RGS7BP: variants seen among roughly 807,000 people sequenced by gnomAD.
RGS7BP encodes the protein regulator of G protein signaling 7 binding protein.
A neutral mutation model predicts 31.3 loss-of-function variants in RGS7BP; 9 were observed. That is an observed-to-expected ratio of 0.29 (90% confidence interval 0.17 to 0.50). The LOEUF is 0.50. RGS7BP is among the 20% of genes least tolerant of loss of function. The probability of loss-of-function intolerance (pLI) is 0.98; values close to 1 mark genes in which losing one functional copy is unlikely to be tolerated. For synonymous variants in RGS7BP, 115 were observed against 120.1 expected, an observed-to-expected ratio of 0.96 and a Z score of 0.28; for missense variants, 274 against 322.0, an observed-to-expected ratio of 0.85 and a Z score of 1.14.
chr5:64,532,946 C>T (rs1311032803), intron 2 of RGS7BP, among the ~76,000 whole-genome samples: 1 of 152,190 alleles, frequency 6.6e-6, no homozygotes, highest in African/African-American at 2.4e-5. Flanking sequence ...ACCTCACAGC[C>T]TCATCAATAT....
chr5:64,589,812 C>T (rs1209486204), intron 3 of RGS7BP, among the ~76,000 whole-genome samples: 1 of 151,538 alleles, frequency 6.6e-6, no homozygotes, highest in African/African-American at 2.4e-5. Context: ...CCTATAGTCC[C>T]AGCTATTGGG....
rs1743445345 is a variant in RGS7BP, at chr5:64,609,319, C to G, written c.*67C>G. ...ATCACAAAACCCGAGGACCTCCAGA[C>G]AGCTGAACCACACAGTTATTGGTTT... On this transcript the variant is annotated 3_prime_UTR_variant, in exon 6 of 6. Transcript: ENST00000334025. The G allele has an allele frequency of 5.8e-6, 5 of 864,718 alleles. No homozygotes were observed. The East Asian group carries it at 7.3e-5, about 13-fold the overall frequency. 53.6% of individuals were successfully genotyped at this position (864,718 alleles called of 1,614,324 possible). A position where few individuals can be genotyped will look rare whatever the true frequency, so the allele number is the denominator to read the frequency against.
chr5:64,588,900 A>T (rs2111940310), intron 3 of RGS7BP, among the ~76,000 whole-genome samples: 1 of 152,308 alleles, frequency 6.6e-6, no homozygotes, highest in East Asian at 1.9e-4. Context: ...ATTGATAATC[A>T]AGAAAAATAG....
At chr5:64,567,392 G>A (rs1742196940) in intron 2 of RGS7BP, among the ~76,000 whole-genome samples, 1 of 152,134 alleles carries the variant, frequency 6.6e-6, no homozygotes, top group Non-Finnish European at 1.5e-5. Flanking sequence ...TGCTGTTACA[G>A]TTAAATGAGA....
intron 5 of RGS7BP, among the ~76,000 whole-genome samples, chr5:64,606,055 G>A (rs1580476038): frequency 6.7e-6 from 1 of 149,054 alleles, no homozygotes; most frequent in Admixed American, 6.7e-5. Context: ...GAGAGAGAGA[G>A]AGAGAAGGCT....
At chr5:64,603,538 G>T (rs1743275445) in intron 5 of RGS7BP, among the ~76,000 whole-genome samples, 1 of 152,140 alleles carries the variant, frequency 6.6e-6, no homozygotes, top group African/African-American at 2.4e-5. Context: ...TGAGAGGAAA[G>T]ATCAGTTTAC....
At chr5:64,545,879 T>C (rs1464898366) in intron 2 of RGS7BP, among the ~76,000 whole-genome samples, 2 of 152,168 alleles carry the variant, frequency 1.3e-5, no homozygotes, top group Non-Finnish European at 2.9e-5. Context: ...GCTAGATAAA[T>C]GGATCTGGAC....
intron 2 of RGS7BP, among the ~76,000 whole-genome samples, chr5:64,533,110 G>A (rs1161643878): frequency 3.9e-5 from 6 of 152,124 alleles, no homozygotes; most frequent in Non-Finnish European, 7.3e-5. Flanking sequence ...TATGGCCCAG[G>A]TGATGACCAT....
chr5:64,525,263 T>A (rs1446768673), intron 2 of RGS7BP, among the ~76,000 whole-genome samples: 1 of 152,140 alleles, frequency 6.6e-6, no homozygotes, highest in African/African-American at 2.4e-5. Context: ...GAGGTGTTCT[T>A]AATGTAGGAG....
chr5:64,596,357 A>C lies in RGS7BP; in HGVS notation c.611+1500A>C, dbSNP rs368058214. On this transcript the variant is annotated intron_variant, in intron 4 of 5. Coordinates refer to ENST00000334025, the MANE Select transcript of RGS7BP (RefSeq NM_001029875.3). ...GGGTCTCAAACTGGACTGCACAGTTAAGTCATCAGGAGGGAATTCTTAAAA... is the reference window on the plus strand; with the variant it reads ...GGGTCTCAAACTGGACTGCACAGTTCAGTCATCAGGAGGGAATTCTTAAAA... Among the ~76,000 whole-genome samples the C allele has an allele frequency of 7.9e-5, 12 of 152,246 alleles. No homozygotes were observed. The South Asian group carries it at 2.3e-3, about 29-fold the overall frequency.
intron 2 of RGS7BP, among the ~76,000 whole-genome samples, chr5:64,550,439 C>G (rs1741764222): frequency 2.0e-5 from 3 of 152,120 alleles, no homozygotes; most frequent in Admixed American, 1.3e-4. Flanking sequence ...CCCTTATGAC[C>G]TCATCTAACC....
At chr5:64,570,298 T>C (rs1429838141) in intron 2 of RGS7BP, among the ~76,000 whole-genome samples, 1 of 152,146 alleles carries the variant, frequency 6.6e-6, no homozygotes, top group Admixed American at 6.6e-5. Flanking sequence ...ATGATTTCAT[T>C]TGATCCTTGC....
At chr5:64,603,343 GAAC>G (rs1263047342) in intron 5 of RGS7BP, among the ~76,000 whole-genome samples, 3 of 152,166 alleles carry the variant, frequency 2.0e-5, no homozygotes, top group Non-Finnish European at 4.4e-5. Flanking sequence ...TAAAGGCAGA[GAAC>G]AACAACTTTT....
chr5:64,549,998 TG>T (rs1440119014), intron 2 of RGS7BP, among the ~76,000 whole-genome samples: 1 of 152,224 alleles, frequency 6.6e-6, no homozygotes, highest in Non-Finnish European at 1.5e-5. Flanking sequence ...CCAAGTTTTT[TG>T]TTACTTTATA....
At chr5:64,597,526 T>C (rs1415481341) in intron 4 of RGS7BP, among the ~76,000 whole-genome samples, 3 of 151,828 alleles carry the variant, frequency 2.0e-5, no homozygotes, top group African/African-American at 7.3e-5. Flanking sequence ...GTCAATGTAA[T>C]AAGTGTTGGT....
At position 64,594,773 on chromosome 5, in the gene RGS7BP, C is replaced by T. The variant is rs1270718895; in HGVS notation, c.527C>T (p.Pro176Leu). The T allele has an allele frequency of 1.2e-6, 2 of 1,613,620 alleles. No homozygotes were observed. Among genetic ancestry groups the T allele is most frequent in the African/African-American group, 1.3e-5 (1 of 74,876 alleles). Residue 176 changes from proline (P) to leucine (L), a missense_variant, in exon 4 of 6, where the codon CCT (proline) becomes CTT (leucine). Coordinates refer to ENST00000334025, the MANE Select transcript of RGS7BP (RefSeq NM_001029875.3). ...AAAATTGAGGAGAGTGCTGAAACAC[C>T]TGCCCTAGAAGACTCCTCATCATCC... is the stretch of plus-strand genomic sequence containing the variant. ...DCKIEESAETPALEDSSSSPV... is the reference protein window; with the variant it reads ...DCKIEESAETLALEDSSSSPV...
intron 2 of RGS7BP, among the ~76,000 whole-genome samples, chr5:64,547,676 G>A (rs548943763): frequency 2.3e-4 from 35 of 152,198 alleles, no homozygotes; most frequent in African/African-American, 5.8e-4. Context: ...AGTCTCACCC[G>A]TAATTTGAAT....
intron 2 of RGS7BP, among the ~76,000 whole-genome samples, chr5:64,544,781 T>C (rs942994297): frequency 1.3e-5 from 2 of 152,102 alleles, no homozygotes; most frequent in Admixed American, 6.5e-5. Flanking sequence ...TGGGATGCAA[T>C]AAATCATGGT....
intron 2 of RGS7BP, among the ~76,000 whole-genome samples, chr5:64,560,585 G>A (rs533300968): frequency 6.6e-6 from 1 of 150,632 alleles, no homozygotes; most frequent in African/African-American, 2.4e-5. Flanking sequence ...AGTACATATT[G>A]TACACTAGAA....
Sources: gnomAD v4.1 joint callset for allele counts (sites outside exome capture counted in the v4.1 genomes callset) on GRCh38, gnomAD v4.1.1 for gene constraint, MANE v1.5 for transcripts, NCBI Gene and HGNC (gene_info 2026-07-23, HGNC 2026-07-21) for gene names.